Variants in ARL15 observed in about 807,000 individuals in gnomAD.
ARL15 encodes ARF like GTPase 15, also known as ADP-ribosylation factor-like protein 15.
Under a neutral mutation model 25.2 loss-of-function variants are expected in ARL15, and 19 were observed. The observed-to-expected ratio is 0.75, with a 90% CI of 0.53 to 1.10. ARL15 has a LOEUF of 1.10. Among genes scored for constraint, ARL15 ranks in the 50% least tolerant of loss-of-function variants. The pLI is 0.00. For synonymous variants in ARL15, 94 were observed against 86.8 expected, an observed-to-expected ratio of 1.08 and a Z score of -0.46; for missense variants, 220 against 246.0, an observed-to-expected ratio of 0.89 and a Z score of 0.71.
At chr5:53,899,609 C>T (rs1744999146) in intron 4 of ARL15, among the ~76,000 whole-genome samples, 1 of 151,896 alleles carries the variant, frequency 6.6e-6, no homozygotes, top group African/African-American at 2.4e-5. Flanking sequence ...TGTTGGATCT[C>T]ACCCCCATAT....
intron 4 of ARL15, among the ~76,000 whole-genome samples, chr5:54,111,111 C>A (rs542805596): frequency 6.6e-6 from 1 of 151,952 alleles, no homozygotes; most frequent in East Asian, 1.9e-4. Context: ...TAGACATGCA[C>A]CTGTATGGTA....
intron 4 of ARL15, among the ~76,000 whole-genome samples, chr5:54,073,752 A>G (rs1486751623): frequency 6.6e-6 from 1 of 152,250 alleles, no homozygotes; most frequent in African/African-American, 2.4e-5. Context: ...GATTAAAAGA[A>G]AAGCCAAGAG....
At chr5:54,086,205 T>A (rs933306678) in intron 4 of ARL15, among the ~76,000 whole-genome samples, 2 of 152,130 alleles carry the variant, frequency 1.3e-5, no homozygotes, top group African/African-American at 2.4e-5. Context: ...TGAGCCACCG[T>A]ACTTGGCCTC....
chr5:54,010,818 T>C (rs1260662186), intron 4 of ARL15, among the ~76,000 whole-genome samples: 1 of 151,800 alleles, frequency 6.6e-6, no homozygotes, highest in African/African-American at 2.4e-5. Flanking sequence ...GAGAACACGG[T>C]GAAACCCCGT....
At position 54,273,932 on chromosome 5, in the gene ARL15, G is replaced by C. The variant is rs146581168; in HGVS notation, c.48+36500C>G. Among the ~76,000 whole-genome samples the C allele has an allele frequency of 4.5e-3, 686 of 152,312 alleles. 6 individuals carry two copies. The highest frequency in any genetic ancestry group is 0.016 in the African/African-American group (647 of 41,574). On this transcript the variant is annotated intron_variant, in intron 1 of 4. Coordinates refer to ENST00000504924, the MANE Select transcript of ARL15 (RefSeq NM_019087.3). ...AAAATGACCAGGCAATTCTAAGATA[G>C]TGCAATAGATGCACTTTGGCTGATG... is the stretch of plus-strand genomic sequence containing the variant.
intron 4 of ARL15, among the ~76,000 whole-genome samples, chr5:53,938,680 G>A (rs564216250): frequency 6.6e-6 from 1 of 152,232 alleles, no homozygotes; most frequent in South Asian, 2.1e-4. Context: ...ATAAAAATTG[G>A]CCGGGTGTGG....
At chr5:54,107,801 C>A (rs1204195550) in intron 4 of ARL15, among the ~76,000 whole-genome samples, 1 of 152,016 alleles carries the variant, frequency 6.6e-6, no homozygotes, top group Non-Finnish European at 1.5e-5. Context: ...AGATGTATAA[C>A]TTTATTACCC....
At chr5:54,036,068 T>C (rs1296078937) in intron 4 of ARL15, among the ~76,000 whole-genome samples, 1 of 151,946 alleles carries the variant, frequency 6.6e-6, no homozygotes. Context: ...GAGGATCACT[T>C]GAGCCCAGGG....
At chr5:53,890,735 C>T (rs1011718101) in intron 4 of ARL15, among the ~76,000 whole-genome samples, 2 of 152,194 alleles carry the variant, frequency 1.3e-5, no homozygotes, top group East Asian at 1.9e-4. Context: ...ATGCCACTGC[C>T]GGCTGATTGG....
At chr5:53,906,261 G>A (rs1344052226) in intron 4 of ARL15, among the ~76,000 whole-genome samples, 2 of 152,204 alleles carry the variant, frequency 1.3e-5, no homozygotes, top group Non-Finnish European at 2.9e-5. Flanking sequence ...TTGGCACCAT[G>A]AGAAGGGGCA....
In ARL15 at chr5:54,096,623, T is replaced by C. The variant is rs141449564; in HGVS notation, c.462+16579A>G. 9.9e-4 allele frequency among the ~76,000 whole-genome samples: 151 copies of C among 152,114 alleles called. No individual in the cohort carries two copies. In the South Asian group the frequency reaches 0.02, roughly 20 times the overall value. ...ATGGGGTTTCACCATGTTGGCCAGGTTGGTCTCAAACTCCTGACCTCAAGT... is the reference window on the plus strand; with the variant it reads ...ATGGGGTTTCACCATGTTGGCCAGGCTGGTCTCAAACTCCTGACCTCAAGT... On this transcript the variant is annotated intron_variant, in intron 4 of 4. Coordinates refer to ENST00000504924, the MANE Select transcript of ARL15 (RefSeq NM_019087.3).
intron 4 of ARL15, among the ~76,000 whole-genome samples, chr5:54,065,746 T>A (rs147803052): frequency 7.2e-5 from 11 of 152,290 alleles, no homozygotes; most frequent in African/African-American, 2.6e-4. Context: ...GCTATATGCA[T>A]AAAATGTACA....
chr5:53,969,537 A>G (rs546802439), intron 4 of ARL15, among the ~76,000 whole-genome samples: 9 of 152,350 alleles, frequency 5.9e-5, no homozygotes, highest in Admixed American at 4.6e-4. Context: ...AACAAAGAGA[A>G]AGATTAAATA....
chr5:54,053,066 A>G lies in ARL15; in HGVS notation c.462+60136T>C, dbSNP rs1318333288. ...TGCCAAAAATGGAACAATTTAAGCA[A>G]CAAAATAACAGAGTATTGAATTATA... On this transcript the variant is annotated intron_variant, in intron 4 of 4. Coordinates refer to ENST00000504924, the MANE Select transcript of ARL15 (RefSeq NM_019087.3). Among the ~76,000 whole-genome samples, 3 of 152,198 alleles carry G rather than the reference A, an allele frequency of 2.0e-5. No homozygotes were observed. In the East Asian group the frequency reaches 5.8e-4, roughly 29 times the overall value.
intron 1 of ARL15, among the ~76,000 whole-genome samples, chr5:54,280,974 GAAA>G (rs1254774552): frequency 7.7e-6 from 1 of 130,712 alleles, no homozygotes. Context: ...CAGGCTGGTG[GAAA>G]AAAAAAAAAA....
intron 1 of ARL15, among the ~76,000 whole-genome samples, chr5:54,299,436 T>C (rs139854019): frequency 6.6e-6 from 1 of 152,298 alleles, no homozygotes; most frequent in East Asian, 1.9e-4. Flanking sequence ...AGGCACAACA[T>C]TTAATTTCTC....
intron 4 of ARL15, among the ~76,000 whole-genome samples, chr5:54,076,482 T>C (rs1239149557): frequency 6.6e-6 from 1 of 151,366 alleles, no homozygotes; most frequent in Non-Finnish European, 1.5e-5. Flanking sequence ...AGTAATTTGA[T>C]GAAAAATTAT....
chr5:54,090,245 C>G (rs559656282), intron 4 of ARL15, among the ~76,000 whole-genome samples: 5 of 151,868 alleles, frequency 3.3e-5, no homozygotes, highest in Non-Finnish European at 7.4e-5. Context: ...GCAATAAAGA[C>G]GAATAAACCA....
At chr5:54,016,587 C>A (rs1336595197) in intron 4 of ARL15, among the ~76,000 whole-genome samples, 1 of 152,164 alleles carries the variant, frequency 6.6e-6, no homozygotes. Flanking sequence ...CGGCTCCCCA[C>A]CCCATGACAA....
Sources: gnomAD v4.1 joint callset for allele counts (sites outside exome capture counted in the v4.1 genomes callset) on GRCh38, gnomAD v4.1.1 for gene constraint, MANE v1.5 for transcripts, NCBI Gene and HGNC (gene_info 2026-07-23, HGNC 2026-07-21) for gene names.